ATXN7L1: variants seen among roughly 807,000 people sequenced by gnomAD.
The protein encoded by ATXN7L1 is ataxin-7-like protein 1.
Under a neutral mutation model 70.8 loss-of-function variants are expected in ATXN7L1, and 15 were observed. The observed-to-expected ratio is 0.21, with a 90% CI of 0.14 to 0.33. The LOEUF (loss-of-function observed/expected upper bound fraction) is 0.33. Among genes scored for constraint, ATXN7L1 ranks in the 10% least tolerant of loss-of-function variants. ATXN7L1 has a pLI of 1.00. For synonymous variants in ATXN7L1, 440 were observed against 445.1 expected, an observed-to-expected ratio of 0.99 and a Z score of 0.14; for missense variants, 975 against 1,097.1, an observed-to-expected ratio of 0.89 and a Z score of 1.57.
chr7:105,785,388 C>T (rs1284536771), intron 3 of ATXN7L1, among the ~76,000 whole-genome samples: 1 of 152,126 alleles, frequency 6.6e-6, no homozygotes, highest in East Asian at 1.9e-4. Context: ...ATTTTTTGAA[C>T]TGGGGAGGCA....
At chr7:105,750,321 G>A (rs556242279) in intron 3 of ATXN7L1, among the ~76,000 whole-genome samples, 49 of 150,438 alleles carry the variant, frequency 3.3e-4, no homozygotes, top group African/African-American at 1.1e-3. Flanking sequence ...TCTATTGCCC[G>A]GGCTGAGTGC....
intron 3 of ATXN7L1, among the ~76,000 whole-genome samples, chr7:105,725,523 G>A (rs776516308): frequency 1.3e-5 from 2 of 151,944 alleles, no homozygotes; most frequent in Non-Finnish European, 2.9e-5. Context: ...CTCTCTTTGT[G>A]AGGAATCTGC....
At chr7:105,806,166 T>G (rs1234351430) in intron 2 of ATXN7L1, among the ~76,000 whole-genome samples, 1 of 152,108 alleles carries the variant, frequency 6.6e-6, no homozygotes, top group Non-Finnish European at 1.5e-5. Context: ...TGCTAGAGAC[T>G]GAACTGCGTC....
At position 105,864,456 on chromosome 7, in the gene ATXN7L1, CAAAAAAAAA is replaced by C. The variant is rs34739253; in HGVS notation, c.250+11347_250+11355del. Reference sequence around the variant, plus strand: ...TGGGTGGCAGAGAGAGGCCCTGTCTCAAAAAAAAAAAAAAAAAAAAAAAAAAGGACATTC... The same window carrying C: ...TGGGTGGCAGAGAGAGGCCCTGTCTCAAAAAAAAAAAAAAAAAGGACATTC... On this transcript the variant is annotated intron_variant, in intron 2 of 11. Transcript: ENST00000419735. Among the ~76,000 whole-genome samples, 15 of 41,062 alleles carry C rather than the reference CAAAAAAAAA, an allele frequency of 3.7e-4. 1 individual carries two copies. The highest frequency in any genetic ancestry group is 4.5e-4 in the African/African-American group (4 of 8,910). The allele number at this position is 41,062 out of a possible 152,430, so 26.9% of individuals were successfully genotyped here. A position where few individuals can be genotyped will look rare whatever the true frequency, so the allele number is the denominator to read the frequency against.
chr7:105,796,135 C>T lies in ATXN7L1; in HGVS notation c.251-7427G>A, dbSNP rs969080966. The stretch of plus-strand genomic sequence containing the variant: ...ATCCCAGCACTTTGGGAGGCCGAGG[C>T]GGGCAGATCATGAGGTCAAGAAATT... On this transcript the variant is annotated intron_variant, in intron 2 of 11. Transcript: ENST00000419735. Among the ~76,000 whole-genome samples, 4 of 152,186 alleles carry T rather than the reference C, an allele frequency of 2.6e-5. No individual in the cohort carries two copies. In the South Asian group the frequency reaches 6.2e-4, roughly 24 times the overall value.
intron 9 of ATXN7L1, chr7:105,618,103 G>A: frequency 2.2e-6 from 1 of 456,446 alleles, no homozygotes; most frequent in Non-Finnish European, 4.4e-6. Context: ...TGTGCCTGAG[G>A]AGGAAAGGAA....
chr7:105,761,509 C>T (rs1191200835), intron 3 of ATXN7L1: 4 of 1,604,762 alleles, frequency 2.5e-6, no homozygotes, highest in Admixed American at 1.7e-5. Flanking sequence ...ATGGTATCAA[C>T]ATGGCTCCTT....
intron 2 of ATXN7L1, among the ~76,000 whole-genome samples, chr7:105,854,953 T>C (rs1174420445): frequency 7.7e-6 from 1 of 129,498 alleles, no homozygotes; most frequent in Non-Finnish European, 1.6e-5. Context: ...TCTTTTCTTC[T>C]TCTTCTTTTT....
intron 2 of ATXN7L1, among the ~76,000 whole-genome samples, chr7:105,868,269 C>A (rs1052451802): frequency 3.9e-5 from 6 of 152,148 alleles, no homozygotes; most frequent in Non-Finnish European, 8.8e-5. Flanking sequence ...GAGCACTCAT[C>A]GCGGTCTACC....
intron 3 of ATXN7L1, among the ~76,000 whole-genome samples, chr7:105,767,671 T>C (rs1019829583): frequency 7.9e-5 from 12 of 152,202 alleles, no homozygotes; most frequent in Non-Finnish European, 1.3e-4. Flanking sequence ...CTTGATGAAA[T>C]TGAGGCACAG....
At chr7:105,734,934 TG>T (rs1483232448) in intron 3 of ATXN7L1, among the ~76,000 whole-genome samples, 5 of 152,312 alleles carry the variant, frequency 3.3e-5, no homozygotes, top group Admixed American at 1.3e-4. Flanking sequence ...CCATAAGCTC[TG>T]GAACTTTCTA....
At chr7:105,662,019 TTTCTTTCTTTCCTTCC>T (rs1183340152) in intron 4 of ATXN7L1, among the ~76,000 whole-genome samples, 2,624 of 77,782 alleles carry the variant, frequency 0.034, 46 homozygotes, top group South Asian at 0.045. Context: ...CTTTTCTTTC[TTTCTTTCTTTCCTTCC>T]TTCCTTCCTT....
intron 2 of ATXN7L1, chr7:105,819,747 C>T (rs970641301): frequency 8.1e-6 from 6 of 743,212 alleles, no homozygotes; most frequent in Non-Finnish European, 9.8e-6. Flanking sequence ...GACCTCGAGG[C>T]ATGTTGCCCC....
At chr7:105,678,483 G>A (rs1805053420) in intron 3 of ATXN7L1, among the ~76,000 whole-genome samples, 1 of 152,198 alleles carries the variant, frequency 6.6e-6, no homozygotes, top group South Asian at 2.1e-4. Context: ...GCATGCACTG[G>A]ACAAGGACCA....
At chr7:105,683,361 T>C (rs1805777252) in intron 3 of ATXN7L1, among the ~76,000 whole-genome samples, 1 of 152,164 alleles carries the variant, frequency 6.6e-6, no homozygotes, top group South Asian at 2.1e-4. Context: ...GTTTTGGTTT[T>C]AGTGCCCATA....
intron 4 of ATXN7L1, among the ~76,000 whole-genome samples, chr7:105,653,471 CA>C (rs1800164069): frequency 1.3e-5 from 2 of 152,104 alleles, no homozygotes; most frequent in East Asian, 1.9e-4. Context: ...CAACAACAAC[CA>C]AAAAACTCTA....
chr7:105,761,551 C>T (rs1432182645), intron 3 of ATXN7L1: 2 of 1,521,476 alleles, frequency 1.3e-6, no homozygotes, highest in Non-Finnish European at 1.8e-6. Context: ...ATTACTCATG[C>T]CAATTGCCAT....
intron 2 of ATXN7L1, among the ~76,000 whole-genome samples, chr7:105,875,530 C>T (rs534469582): frequency 6.6e-6 from 1 of 152,062 alleles, no homozygotes; most frequent in African/African-American, 2.4e-5. Flanking sequence ...GGCAATGATG[C>T]TCCCAAGGAG....
At position 105,651,937 on chromosome 7, in the gene ATXN7L1, C is replaced by T. The variant is rs78749282; in HGVS notation, c.579-8816G>A. 5.1e-3 allele frequency among the ~76,000 whole-genome samples: 769 copies of T among 152,272 alleles called. 13 individuals carry two copies. Among genetic ancestry groups the T allele is most frequent in the African/African-American group, 0.017 (723 of 41,560 alleles). On this transcript the variant is annotated intron_variant, in intron 4 of 11. Coordinates refer to ENST00000419735, the MANE Select transcript of ATXN7L1 (RefSeq NM_020725.2). Reference sequence around the variant, plus strand: ...ATTTTCTGGAAGCAGGAGGCCCCAGCGCATGTCTCCCTGCTGGTCTGTTAG... The same window carrying T: ...ATTTTCTGGAAGCAGGAGGCCCCAGTGCATGTCTCCCTGCTGGTCTGTTAG...
Sources: gnomAD v4.1 joint callset for allele counts (sites outside exome capture counted in the v4.1 genomes callset) on GRCh38, gnomAD v4.1.1 for gene constraint, MANE v1.5 for transcripts, NCBI Gene and HGNC (gene_info 2026-07-23, HGNC 2026-07-21) for gene names.